Variants in OLFM1 observed in about 807,000 individuals in gnomAD.
OLFM1 encodes the protein noelin.
Under a neutral mutation model 49.7 loss-of-function variants are expected in OLFM1, and 9 were observed. The observed-to-expected ratio is 0.18, with a 90% CI of 0.11 to 0.32. The LOEUF is 0.32. Among genes scored for constraint, OLFM1 ranks in the 10% least tolerant of loss-of-function variants. OLFM1 has a pLI of 1.00. For missense variants in OLFM1, 369 were observed against 661.8 expected (o/e 0.56, Z 4.85); for synonymous variants, 240 against 271.8 (o/e 0.88, Z 1.15).
chr9:135,088,818 G>A lies in OLFM1; in HGVS notation c.150+679G>A, dbSNP rs1158958747. Among the ~76,000 whole-genome samples, 1 of 152,204 alleles carries A rather than the reference G, an allele frequency of 6.6e-6. No homozygotes were observed. The highest frequency in any genetic ancestry group is 2.4e-5 in the African/African-American group (1 of 41,462). On this transcript the variant is annotated intron_variant, in intron 1 of 5. Transcript: ENST00000371793. This position sits in a 1 kb window ranked among gnomAD's most constrained non-coding sequence, Gnocchi z 4.8. Reference sequence around the variant, plus strand: ...CGCTCACCCCCTCGCCTTTGCCTTCGTCTTCTGCGCGCACCCCTCCCTCCT... The same window carrying A: ...CGCTCACCCCCTCGCCTTTGCCTTCATCTTCTGCGCGCACCCCTCCCTCCT...
intron 1 of OLFM1, chr9:135,077,095 C>G (rs1830477619): frequency 1.3e-6 from 2 of 1,550,442 alleles, no homozygotes; most frequent in East Asian, 2.4e-5. Flanking sequence ...CCCAGGAAGG[C>G]CTGGTGGAGG....
At chr9:135,083,161 T>C (rs11103665), upstream of OLFM1, among the ~76,000 whole-genome samples, 31,730 of 152,172 alleles carry the variant, frequency 0.21, 4,109 homozygotes, top group African/African-American at 0.37. Context: ...GAAATGATTA[T>C]GTTTGTGGGG....
chr9:135,114,159 G>T (rs1358534300), intron 5 of OLFM1, among the ~76,000 whole-genome samples: 1 of 92,948 alleles, frequency 1.1e-5, no homozygotes, highest in African/African-American at 8.2e-5. Context: ...TTGAGACAGG[G>T]TCTCACTCTG....
At position 135,076,057 on chromosome 9, in the gene OLFM1, G is replaced by A; in HGVS notation, c.96+255G>A. ...CTGACAGCTGCCCCCTTTTTCCTAG[G>A]ACTCCGCTGCCCCCGACTCCCTGCT... is the stretch of plus-strand genomic sequence containing the variant. On this transcript the variant is annotated intron_variant, in intron 1 of 5. Coordinates refer to the OLFM1 transcript ENST00000252854. 4 of 1,450,480 alleles carry A rather than the reference G, an allele frequency of 2.8e-6. No individual in the cohort carries two copies. The South Asian group carries it at 6.0e-5, about 22-fold the overall frequency. The allele number at this position is 1,450,480 out of a possible 1,614,324, so 89.9% of individuals were successfully genotyped here.
chr9:135,115,052 A>G (rs1250962702), intron 5 of OLFM1, among the ~76,000 whole-genome samples: 1 of 152,192 alleles, frequency 6.6e-6, no homozygotes, highest in Non-Finnish European at 1.5e-5. Flanking sequence ...CCTATTTGGG[A>G]CAATTTCCCC....
At position 135,080,790 on chromosome 9, in the gene OLFM1, A is replaced by G. The variant is rs1017588319; in HGVS notation, c.96+4988A>G. Among the ~76,000 whole-genome samples, 8 of 152,196 alleles carry G rather than the reference A, an allele frequency of 5.3e-5. No individual in the cohort carries two copies. The highest frequency in any genetic ancestry group is 1.9e-4 in the African/African-American group (8 of 41,454). On this transcript the variant is annotated intron_variant, in intron 1 of 5. Coordinates refer to the OLFM1 transcript ENST00000252854. This position sits in a 1 kb window ranked among gnomAD's most constrained non-coding sequence, Gnocchi z 4.5. ...AACCACGAGCTAGGCTGACAGGGCG[A>G]GCAGCCAATTTCCAGCTCTGAAAGA...
At chr9:135,104,141 G>A (rs553276530) in intron 4 of OLFM1, among the ~76,000 whole-genome samples, 3 of 152,278 alleles carry the variant, frequency 2.0e-5, no homozygotes, top group East Asian at 3.9e-4. Context: ...AGCTGGCTCC[G>A]GCTGCAGTGA....
chr9:135,090,958 G>A (rs1830677468), intron 2 of OLFM1, among the ~76,000 whole-genome samples: 1 of 152,252 alleles, frequency 6.6e-6, no homozygotes, highest in African/African-American at 2.4e-5. Context: ...TATGTCGTTT[G>A]CATAACATAT....
At chr9:135,102,698 TC>T (rs1293800256) in intron 4 of OLFM1, among the ~76,000 whole-genome samples, 4 of 152,236 alleles carry the variant, frequency 2.6e-5, no homozygotes, top group African/African-American at 9.6e-5. Flanking sequence ...CATCGGTTTG[TC>T]CAAGTTCCCA....
At chr9:135,118,692 G>C (rs559063187) in intron 5 of OLFM1, among the ~76,000 whole-genome samples, 1 of 150,074 alleles carries the variant, frequency 6.7e-6, no homozygotes, top group Non-Finnish European at 1.5e-5. Flanking sequence ...AGTGCTCACT[G>C]GGTCTTTGGA....
At chr9:135,097,415 T>C (rs1382017613) in intron 3 of OLFM1, among the ~76,000 whole-genome samples, 1 of 152,168 alleles carries the variant, frequency 6.6e-6, no homozygotes, top group African/African-American at 2.4e-5. Flanking sequence ...GAGCCAGCAC[T>C]CCCTTCTCTG....
intron 1 of OLFM1, among the ~76,000 whole-genome samples, chr9:135,078,292 A>T (rs891251788): frequency 2.4e-4 from 36 of 152,150 alleles, no homozygotes; most frequent in African/African-American, 6.5e-4. Flanking sequence ...CTTCCAAGGG[A>T]TGGACATGCG....
intron 5 of OLFM1, among the ~76,000 whole-genome samples, chr9:135,109,324 T>G (rs1255823779): frequency 6.6e-6 from 1 of 152,194 alleles, no homozygotes; most frequent in East Asian, 1.9e-4. Flanking sequence ...AGCGAGGGTG[T>G]GGGTTTGCAA....
rs1395120845 is a variant in OLFM1, at chr9:135,080,995, T to C, written c.96+5193T>C. 6.6e-6 allele frequency among the ~76,000 whole-genome samples: 1 copy of C among 151,280 alleles called. No homozygotes were observed. The highest frequency in any genetic ancestry group is 1.5e-5 in the Non-Finnish European group (1 of 67,868). Reference sequence around the variant, plus strand: ...AATAATGATAGTAAATAATATACTATATAAGATAAATAATGTAAGAAACTG... The same window carrying C: ...AATAATGATAGTAAATAATATACTACATAAGATAAATAATGTAAGAAACTG... On this transcript the variant is annotated intron_variant, in intron 1 of 5. Coordinates refer to the OLFM1 transcript ENST00000252854. The surrounding 1 kb of genome is among the most constrained non-coding windows in gnomAD (Gnocchi z 4.5).
At chr9:135,087,382 A>G (rs1403493579), upstream of OLFM1, 5 of 1,547,068 alleles carry the variant, frequency 3.2e-6, no homozygotes, top group Non-Finnish European at 4.4e-6. Context: ...GGATGGGAGA[A>G]GCCCCGGGAC....
In OLFM1 at chr9:135,088,798, A is replaced by AC. The variant is rs1830639096; in HGVS notation, c.150+664dup. Among the ~76,000 whole-genome samples, 1 of 151,636 alleles carries AC rather than the reference A, an allele frequency of 6.6e-6. No individual in the cohort carries two copies. The highest frequency in any genetic ancestry group is 2.1e-4 in the South Asian group (1 of 4,786). On this transcript the variant is annotated intron_variant, in intron 1 of 5. Coordinates refer to ENST00000371793, the MANE Select transcript of OLFM1 (RefSeq NM_001282611.2). This position sits in a 1 kb window ranked among gnomAD's most constrained non-coding sequence, Gnocchi z 4.8. ...CCTGGGAGCCTGCCCTTGGGCGCTC[A>AC]CCCCCTCGCCTTTGCCTTCGTCTTC...
intron 4 of OLFM1, among the ~76,000 whole-genome samples, chr9:135,101,620 C>T (rs1564275314): frequency 6.6e-6 from 1 of 152,244 alleles, no homozygotes; most frequent in Non-Finnish European, 1.5e-5. Context: ...TTGCCGGTTC[C>T]CCTGGAGCAA....
chr9:135,115,597 C>T lies in OLFM1; in HGVS notation c.784-3907C>T, dbSNP rs559388686. 2.6e-5 allele frequency among the ~76,000 whole-genome samples: 4 copies of T among 152,364 alleles called. No individual in the cohort carries two copies. In the South Asian group the frequency reaches 8.3e-4, roughly 32 times the overall value. ...GCTGTTGGTGTGTGGGGATGGGTAG[C>T]AGCACCCCTGGCCTCTGCCCCTAGA... On this transcript the variant is annotated intron_variant, in intron 5 of 5. Coordinates refer to ENST00000371793, the MANE Select transcript of OLFM1 (RefSeq NM_001282611.2).
intron 2 of OLFM1, among the ~76,000 whole-genome samples, chr9:135,091,824 C>T (rs1475585357): frequency 7.0e-6 from 1 of 143,346 alleles, no homozygotes; most frequent in Non-Finnish European, 1.5e-5. Flanking sequence ...TAGTCACACA[C>T]ACTCACAGTC....
Sources: gnomAD v4.1 joint callset for allele counts (sites outside exome capture counted in the v4.1 genomes callset) on GRCh38, gnomAD v4.1.1 for gene constraint, Gnocchi (gnomAD v3.1) non-coding constraint, MANE v1.5 for transcripts, NCBI Gene and HGNC (gene_info 2026-07-23, HGNC 2026-07-21) for gene names.